Variants in SORCS2 observed in about 807,000 individuals in gnomAD.
SORCS2 encodes sortilin related VPS10 domain containing receptor 2, also known as VPS10 domain-containing receptor SorCS2.
Under a neutral mutation model 141.6 loss-of-function variants are expected in SORCS2, and 100 were observed. The observed-to-expected ratio is 0.71, with a 90% CI of 0.60 to 0.83. The LOEUF (loss-of-function observed/expected upper bound fraction) is 0.83, where lower values mean the gene tolerates loss of function less well. SORCS2 is among the 40% of genes least tolerant of loss of function. SORCS2 has a pLI of 0.00. For synonymous variants in SORCS2, 789 were observed against 676.9 expected (o/e 1.17, Z -2.57); for missense variants, 1,646 against 1,560.2 (o/e 1.05, Z -0.93).
At chr4:7,518,231 C>T (rs1372871223) in intron 2 of SORCS2, among the ~76,000 whole-genome samples, 3 of 152,128 alleles carry the variant, frequency 2.0e-5, no homozygotes, top group African/African-American at 7.2e-5. Flanking sequence ...ATTTATTGAT[C>T]GTATGTGGAT....
chr4:7,413,390 G>GTTTTTTTTTTTTTT (rs1725450042), intron 2 of SORCS2, among the ~76,000 whole-genome samples: 5 of 48,928 alleles, frequency 1.0e-4, no homozygotes, highest in Admixed American at 2.6e-4. Flanking sequence ...TTTCACAGCT[G>GTTTTTTTTTTTTTT]CTTTTTTTTT....
At chr4:7,308,064 CTGTT>C (rs958574799) in intron 1 of SORCS2, among the ~76,000 whole-genome samples, 5 of 152,134 alleles carry the variant, frequency 3.3e-5, no homozygotes, top group African/African-American at 1.2e-4. Context: ...TATGGACCCT[CTGTT>C]TGTGCTGCTG....
chr4:7,247,731 G>A (rs1713203752), intron 1 of SORCS2, among the ~76,000 whole-genome samples: 1 of 152,216 alleles, frequency 6.6e-6, no homozygotes, highest in African/African-American at 2.4e-5. Context: ...CCCTGGCGAG[G>A]GGCCTGCTTC....
At chr4:7,554,323 TTTA>T (rs35855961) in intron 3 of SORCS2, among the ~76,000 whole-genome samples, 19,539 of 152,168 alleles carry the variant, frequency 0.13, 1,319 homozygotes, top group Non-Finnish European at 0.16. Flanking sequence ...AGGAGAGTTG[TTTA>T]TTATTATTGA....
At position 7,607,421 on chromosome 4, in the gene SORCS2, C is replaced by T. The variant is rs553417695; in HGVS notation, c.649-30907C>T. ...CTGCCCCGCCACCTTCCAGATTCAA[C>T]GCCTACCACTCTTCCTCCGTGAAGC... is the stretch of plus-strand genomic sequence containing the variant. On this transcript the variant is annotated intron_variant, in intron 3 of 26. Coordinates refer to ENST00000507866, the MANE Select transcript of SORCS2 (RefSeq NM_020777.3). 3.3e-5 allele frequency among the ~76,000 whole-genome samples: 5 copies of T among 152,232 alleles called. No homozygotes were observed. The South Asian group carries it at 6.2e-4, about 19-fold the overall frequency.
chr4:7,611,761 A>G (rs1375762825), intron 3 of SORCS2, among the ~76,000 whole-genome samples: 2 of 152,394 alleles, frequency 1.3e-5, no homozygotes, highest in Non-Finnish European at 2.9e-5. Context: ...ATTCAGTTTC[A>G]GTGCCCGTGA....
chr4:7,243,962 CG>C (rs2108795179), intron 1 of SORCS2, among the ~76,000 whole-genome samples: 2 of 152,288 alleles, frequency 1.3e-5, no homozygotes, highest in South Asian at 4.1e-4. Flanking sequence ...CCAGGTGGAC[CG>C]GGAGGGCCAT....
At chr4:7,502,627 C>T (rs1426317298) in intron 2 of SORCS2, among the ~76,000 whole-genome samples, 1 of 152,218 alleles carries the variant, frequency 6.6e-6, no homozygotes, top group Non-Finnish European at 1.5e-5. Context: ...CTCCCACTTC[C>T]CGTCTGTCTG....
intron 2 of SORCS2, among the ~76,000 whole-genome samples, chr4:7,466,848 T>C (rs371450500): frequency 5.3e-5 from 8 of 152,196 alleles, no homozygotes; most frequent in Non-Finnish European, 1.0e-4. Context: ...GGAACCTGGT[T>C]GGACGCTGTC....
intron 3 of SORCS2, among the ~76,000 whole-genome samples, chr4:7,613,667 C>T (rs1042294881): frequency 6.6e-6 from 1 of 152,126 alleles, no homozygotes; most frequent in Non-Finnish European, 1.5e-5. Flanking sequence ...ACAACCGATT[C>T]CACACTCTCT....
At chr4:7,322,869 C>T (rs73208473) in intron 1 of SORCS2, among the ~76,000 whole-genome samples, 2 of 152,090 alleles carry the variant, frequency 1.3e-5, no homozygotes, top group African/African-American at 4.8e-5. Context: ...TGACCAGCTG[C>T]GGCTCCTCAG....
intron 11 of SORCS2, among the ~76,000 whole-genome samples, chr4:7,696,816 A>G (rs1259591455): frequency 6.6e-6 from 1 of 152,156 alleles, no homozygotes; most frequent in Non-Finnish European, 1.5e-5. Flanking sequence ...AAACTCGGCC[A>G]TGTCCTGCCC....
At chr4:7,557,106 A>T (rs373798631) in intron 3 of SORCS2, among the ~76,000 whole-genome samples, 15 of 152,274 alleles carry the variant, frequency 9.9e-5, no homozygotes, top group African/African-American at 3.6e-4. Flanking sequence ...CAAGTGTGCA[A>T]AACACACAAG....
intron 7 of SORCS2, among the ~76,000 whole-genome samples, chr4:7,666,627 C>A (rs558533351): frequency 6.6e-6 from 1 of 152,176 alleles, no homozygotes; most frequent in African/African-American, 2.4e-5. Flanking sequence ...TAATCAGAGA[C>A]CTGCCACAGT....
chr4:7,704,265 G>T lies in SORCS2; in HGVS notation c.1849G>T (p.Asp617Tyr). Residue 617 changes from aspartate (D) to tyrosine (Y), a missense_variant, in exon 14 of 27, where the codon GAC becomes TAC. Physicochemically the swap from Asp to Tyr is radical, Grantham distance 160. Transcript: ENST00000507866. The part of the protein sequence containing the change: ...FVDGLLSEPG[D>Y]ETLVMTVFGH... ...GGACGGGCTGCTGAGTGAGCCAGGG[G>T]ACGAGACGCTGGTCATGACGTGAGT... is the stretch of plus-strand genomic sequence containing the variant. 1 of 1,612,092 alleles carries T rather than the reference G, an allele frequency of 6.2e-7. No individual in the cohort carries two copies. The highest frequency in any genetic ancestry group is 8.5e-7 in the Non-Finnish European group (1 of 1,179,296).
chr4:7,221,430 G>A (rs546154894), intron 1 of SORCS2, among the ~76,000 whole-genome samples: 2 of 152,304 alleles, frequency 1.3e-5, no homozygotes, highest in South Asian at 2.1e-4. Flanking sequence ...CGGAACCAGA[G>A]ACCGCCGTAG....
chr4:7,696,811 C>T (rs1012887532), intron 11 of SORCS2, among the ~76,000 whole-genome samples: 4 of 152,224 alleles, frequency 2.6e-5, no homozygotes, highest in African/African-American at 9.6e-5. Flanking sequence ...AACACAAACT[C>T]GGCCATGTCC....
At chr4:7,709,474 C>G (rs1725685495) in intron 14 of SORCS2, among the ~76,000 whole-genome samples, 1 of 152,324 alleles carries the variant, frequency 6.6e-6, no homozygotes, top group African/African-American at 2.4e-5. Flanking sequence ...GGTGCTATAA[C>G]CTTTTAAGTT....
chr4:7,403,961 G>GTATATATATATATATATATATA (rs71635960), intron 2 of SORCS2, among the ~76,000 whole-genome samples: 19 of 29,842 alleles, frequency 6.4e-4, no homozygotes, highest in East Asian at 8.7e-4. Context: ...CTCCATGTGT[G>GTATATATATATATATATATATA]TATATATATA....
Sources: allele counts gnomAD v4.1 joint callset (sites outside exome capture counted in the v4.1 genomes callset), GRCh38; gene constraint gnomAD v4.1.1; transcripts MANE v1.5; gene names NCBI Gene and HGNC (gene_info 2026-07-23, HGNC 2026-07-21).